EMG1: variants seen among roughly 807,000 people sequenced by gnomAD.
EMG1 encodes the protein EMG1 N1-specific pseudouridine methyltransferase.
Under a neutral mutation model 26.9 loss-of-function variants are expected in EMG1, and 24 were observed. The ratio of observed to expected loss-of-function variants is 0.89; its 90% CI spans 0.65 to 1.26. The LOEUF is 1.26. Ranked by LOEUF, EMG1 falls within the 50% of genes most tolerant of loss-of-function variation. The pLI, the probability that EMG1 is intolerant of heterozygous loss-of-function variation, is 0.00. For missense variants in EMG1, 299 were observed against 307.6 expected, an observed-to-expected ratio of 0.97 and a Z score of 0.21; for synonymous variants, 140 against 112.6, an observed-to-expected ratio of 1.24 and a Z score of -1.54.
chr12:6,992,872 C>T (rs1555155664), downstream of EMG1, among the ~76,000 whole-genome samples: 8 of 152,186 alleles, frequency 5.3e-5, no homozygotes. Context: ...TTGCATGTAA[C>T]CTATGCACAT....
chr12:6,972,066 CT>C (rs11292192), intron 1 of EMG1, among the ~76,000 whole-genome samples: 28,159 of 124,424 alleles, frequency 0.23, 1,935 homozygotes, highest in Admixed American at 0.31. Flanking sequence ...TCTAAATACA[CT>C]TTTTTTTTTT....
rs1555153209 is a variant in EMG1 at position 6,976,494 on chromosome 12, G to C, written c.*685G>C. 2 of 153,238 alleles carry C rather than the reference G, an allele frequency of 1.3e-5. No individual in the cohort carries two copies. The highest frequency in any genetic ancestry group is 1.5e-5 in the Non-Finnish European group (1 of 68,794). The allele number at this position is 153,238 out of a possible 1,614,324, so 9.5% of individuals were successfully genotyped here. A position where few individuals can be genotyped will look rare whatever the true frequency, so the allele number is the denominator to read the frequency against. ...AATCCCAGCACTTTGGGAGGCGGAG[G>C]CGGGTGGATCACTTGCGGTCAGGAG... On this transcript the variant is annotated 3_prime_UTR_variant, in exon 6 of 6. Transcript: ENST00000599672.
chr12:6,985,396 A>C (rs1276876795), intron 6 of EMG1, among the ~76,000 whole-genome samples: 1 of 151,800 alleles, frequency 6.6e-6, no homozygotes, highest in Non-Finnish European at 1.5e-5. Flanking sequence ...ATTCCGTCTC[A>C]AAAAACCAAA....
downstream of EMG1, chr12:6,983,283 A>T: frequency 1.6e-6 from 1 of 639,696 alleles, no homozygotes; most frequent in Non-Finnish European, 2.8e-6. Flanking sequence ...AGGAAAAGTT[A>T]AGCTGTGTTC....
downstream of EMG1, chr12:6,981,266 C>G (rs1387785215): frequency 2.7e-5 from 31 of 1,134,466 alleles, no homozygotes; most frequent in Admixed American, 7.0e-4. Context: ...ACCTGTGTGC[C>G]CCACTGACTG....
downstream of EMG1, among the ~76,000 whole-genome samples, chr12:6,988,961 T>TA (rs782181967): frequency 6.1e-4 from 93 of 151,638 alleles, 1 homozygote; most frequent in Admixed American, 4.3e-3. Flanking sequence ...CTGTCTCTAC[T>TA]AAAAAAAATA....
downstream of EMG1, among the ~76,000 whole-genome samples, chr12:6,992,355 T>C (rs1565601855): frequency 1.3e-5 from 2 of 151,980 alleles, no homozygotes; most frequent in Non-Finnish European, 2.9e-5. Flanking sequence ...ATTTACCACT[T>C]CATCAACGAT....
intron 1 of EMG1, among the ~76,000 whole-genome samples, chr12:6,973,158 CTG>C (rs1433384509): frequency 6.6e-6 from 1 of 151,896 alleles, no homozygotes; most frequent in African/African-American, 2.4e-5. Context: ...TTGATTCCAT[CTG>C]TACCTTTGCT....
chr12:6,975,474 T>C (rs1946383626), intron 5 of EMG1, 96 bp downstream of exon 5: 19 of 1,328,846 alleles, frequency 1.4e-5, no homozygotes, highest in Non-Finnish European at 1.7e-5. Context: ...TACAATGAGC[T>C]AGAAGACACA....
rs11292192 is a variant in EMG1 at position 6,972,066 on chromosome 12, C to CTTT, written c.168+993_168+995dup. Reference sequence around the variant, plus strand: ...GATTTTAATCTTCGTTCTAAATACACTTTTTTTTTTTTTTTTTTTTGAGAT... The same window carrying CTTT: ...GATTTTAATCTTCGTTCTAAATACACTTTTTTTTTTTTTTTTTTTTTTTGAGAT... On this transcript the variant is annotated intron_variant, in intron 1 of 5. Coordinates refer to ENST00000599672, the MANE Select transcript of EMG1 (RefSeq NM_006331.8). 1.3e-3 allele frequency among the ~76,000 whole-genome samples: 156 copies of CTTT among 124,688 alleles called. 2 individuals carry two copies. The highest frequency in any genetic ancestry group is 4.4e-3 in the African/African-American group (144 of 32,702). The allele number at this position is 124,688 out of a possible 152,430, so 81.8% of individuals were successfully genotyped here. A position where few individuals can be genotyped will look rare whatever the true frequency, so the allele number is the denominator to read the frequency against.
At chr12:6,984,482 G>A (rs1946502478), downstream of EMG1, among the ~76,000 whole-genome samples, 3 of 152,368 alleles carry the variant, frequency 2.0e-5, no homozygotes, top group East Asian at 1.9e-4. Flanking sequence ...CATATGTGGA[G>A]GATGGGGATC....
In EMG1 at chr12:6,976,029, C is replaced by T; in HGVS notation, c.*220C>T. 2.1e-6 allele frequency: 1 copy of T among 476,646 alleles called. No individual in the cohort carries two copies. The highest frequency in any genetic ancestry group is 3.8e-6 in the Non-Finnish European group (1 of 266,450). 29.5% of individuals were successfully genotyped at this position (476,646 alleles called of 1,614,324 possible). A position where few individuals can be genotyped will look rare whatever the true frequency, so the allele number is the denominator to read the frequency against. ...ATCCAGTGGTGTAAAACTGTTTGTT[C>T]CCCGGGACTTCAGGGACAGATAGGA... On this transcript the variant is annotated 3_prime_UTR_variant, in exon 6 of 6. Transcript: ENST00000599672.
chr12:6,992,796 G>A (rs1555155641), downstream of EMG1, among the ~76,000 whole-genome samples: 1 of 152,026 alleles, frequency 6.6e-6, no homozygotes, highest in Non-Finnish European at 1.5e-5. Context: ...GTCCATGAAG[G>A]ATTGGTTCTA....
At chr12:6,971,783 T>A (rs1467357356) in intron 1 of EMG1, among the ~76,000 whole-genome samples, 1 of 152,216 alleles carries the variant, frequency 6.6e-6, no homozygotes, top group Non-Finnish European at 1.5e-5. Context: ...TTGTAAGGGC[T>A]TCGTGTTTCA....
downstream of EMG1, among the ~76,000 whole-genome samples, chr12:6,989,139 C>T (rs1199926828): frequency 6.6e-6 from 1 of 151,344 alleles, no homozygotes; most frequent in Admixed American, 6.6e-5. Context: ...AAAAAAAGAA[C>T]TTGTTTGGCA....
downstream of EMG1, chr12:6,983,407 G>A: frequency 1.4e-6 from 2 of 1,472,368 alleles, no homozygotes; most frequent in Non-Finnish European, 1.9e-6. Flanking sequence ...TAATTGCGGT[G>A]TCACTGCTAA....
Position 6,979,507 on chromosome 12 carries a change from G to A in EMG1, c.*3698G>A. 1.2e-6 allele frequency: 2 copies of A among 1,614,012 alleles called. No individual in the cohort carries two copies. Among genetic ancestry groups the A allele is most frequent in the Non-Finnish European group, 1.7e-6 (2 of 1,179,856 alleles). ...CAGTGAGGAGATAGTCTTCTGTGAT[G>A]TGGGGGCTGAGCAGTGTGTAGCCCA... On this transcript the variant is annotated 3_prime_UTR_variant, in exon 6 of 6. Transcript: ENST00000599672.
chr12:6,972,340 G>A (rs1946341619), intron 1 of EMG1, among the ~76,000 whole-genome samples: 1 of 151,978 alleles, frequency 6.6e-6, no homozygotes, highest in African/African-American at 2.4e-5. Context: ...TTAGTTCTTG[G>A]TCATTTGTTC....
intron 6 of EMG1, among the ~76,000 whole-genome samples, chr12:6,985,037 A>T (rs1946507364): frequency 1.3e-5 from 2 of 151,276 alleles, no homozygotes; most frequent in African/African-American, 4.9e-5. Flanking sequence ...AAATGCACAC[A>T]ATCATGTTAT....
Sources: gnomAD v4.1 joint callset for allele counts (sites outside exome capture counted in the v4.1 genomes callset) on GRCh38, gnomAD v4.1.1 for gene constraint, MANE v1.5 for transcripts, NCBI Gene and HGNC (gene_info 2026-07-23, HGNC 2026-07-21) for gene names.